Variants in AK8 observed in about 807,000 individuals in gnomAD.
AK8 encodes adenylate kinase 8.
A neutral mutation model predicts 54.6 loss-of-function variants in AK8; 44 were observed. The ratio of observed to expected loss-of-function variants is 0.81; its 90% CI spans 0.63 to 1.04. The LOEUF is 1.04. Ranked by LOEUF, AK8 falls within the 50% of genes least tolerant of loss-of-function variation. The probability of loss-of-function intolerance (pLI) is 0.00; values close to 1 mark genes in which losing one functional copy is unlikely to be tolerated. For synonymous variants in AK8, 239 were observed against 245.6 expected, an observed-to-expected ratio of 0.97 and a Z score of 0.25; for missense variants, 555 against 613.6, an observed-to-expected ratio of 0.90 and a Z score of 1.01.
intron 9 of AK8, among the ~76,000 whole-genome samples, chr9:132,816,883 C>T (rs774996943): frequency 6.6e-6 from 1 of 152,082 alleles, no homozygotes; most frequent in Non-Finnish European, 1.5e-5. Context: ...CTGAGACGGC[C>T]AGAATTTGTA....
intron 4 of AK8, among the ~76,000 whole-genome samples, chr9:132,858,084 G>A (rs1244227247): frequency 6.6e-6 from 1 of 152,208 alleles, no homozygotes. Flanking sequence ...GCTCAGCCCC[G>A]ACTCAGGCCC....
intron 5 of AK8, among the ~76,000 whole-genome samples, chr9:132,833,072 G>A (rs939874944): frequency 2.6e-5 from 4 of 152,160 alleles, no homozygotes; most frequent in African/African-American, 7.2e-5. Flanking sequence ...TCCTCTCTGC[G>A]CCAGCCCACG....
intron 3 of AK8, 76 bp downstream of exon 3, chr9:132,866,828 G>T: frequency 7.5e-7 from 1 of 1,340,256 alleles, no homozygotes; most frequent in Non-Finnish European, 1.1e-6. Context: ...CAAATTCACG[G>T]AGGTGCAGTC....
chr9:132,734,370 G>A (rs1489135105), intron 11 of AK8, among the ~76,000 whole-genome samples: 1 of 152,150 alleles, frequency 6.6e-6, no homozygotes, highest in East Asian at 1.9e-4. Context: ...AGCTTTGAGC[G>A]TACTGAGGCC....
chr9:132,783,280 G>T (rs940439272), intron 11 of AK8, among the ~76,000 whole-genome samples: 1 of 152,192 alleles, frequency 6.6e-6, no homozygotes, highest in Non-Finnish European at 1.5e-5. Context: ...GAAGCCTCTA[G>T]AAGGTGGAAG....
At chr9:132,796,498 T>G (rs1840177873) in intron 10 of AK8, among the ~76,000 whole-genome samples, 1 of 152,152 alleles carries the variant, frequency 6.6e-6, no homozygotes. Flanking sequence ...TCCATTTCAG[T>G]GTTGTTTACA....
In AK8 at chr9:132,868,756, C is replaced by G. The variant is rs117066154; in HGVS notation, c.170-1803G>C. On this transcript the variant is annotated intron_variant, in intron 2 of 12. Coordinates refer to ENST00000298545, the MANE Select transcript of AK8 (RefSeq NM_152572.3). ...ACACAGTGACCTTCAGGGCCACCTC[C>G]TTGGCCATCCCCATCTCGTCCTATG... Among the ~76,000 whole-genome samples the G allele has an allele frequency of 4.6e-5, 7 of 152,286 alleles. 1 individual carries two copies. The East Asian group carries it at 1.4e-3, about 29-fold the overall frequency.
At chr9:132,848,294 T>C (rs1437628525) in intron 5 of AK8, among the ~76,000 whole-genome samples, 1 of 152,152 alleles carries the variant, frequency 6.6e-6, no homozygotes, top group Non-Finnish European at 1.5e-5. Context: ...CTGGCCCATT[T>C]CCAGTCACTC....
intron 2 of AK8, among the ~76,000 whole-genome samples, chr9:132,872,521 T>C (rs1471517807): frequency 6.6e-6 from 1 of 152,162 alleles, no homozygotes; most frequent in Non-Finnish European, 1.5e-5. Flanking sequence ...GCAGTGGGTA[T>C]TCAAGATGAA....
intron 6 of AK8, 48 bp from the exon 7 acceptor site, chr9:132,828,132 T>A (rs1049083305): frequency 3.3e-6 from 5 of 1,518,618 alleles, no homozygotes; most frequent in Non-Finnish European, 4.5e-6. Flanking sequence ...GGGCAGCGGG[T>A]GCCACACATT....
At position 132,794,697 on chromosome 9, in the gene AK8, G is replaced by T. The variant is rs560623983; in HGVS notation, c.980-1922C>A. Among the ~76,000 whole-genome samples the T allele has an allele frequency of 2.6e-4, 40 of 152,272 alleles. No homozygotes were observed. The South Asian group carries it at 8.1e-3, about 31-fold the overall frequency. On this transcript the variant is annotated intron_variant, in intron 10 of 12. Transcript: ENST00000298545. Reference sequence around the variant, plus strand: ...ATAGTAGGTGTTGAATAAATAGAAGGCTTCTCTTTTTCAAATATTTCAAAA... The same window carrying T: ...ATAGTAGGTGTTGAATAAATAGAAGTCTTCTCTTTTTCAAATATTTCAAAA...
At chr9:132,758,459 A>C (rs1346921390) in intron 11 of AK8, among the ~76,000 whole-genome samples, 2 of 151,596 alleles carry the variant, frequency 1.3e-5, no homozygotes, top group Non-Finnish European at 2.9e-5. Flanking sequence ...TTGTTTGTTT[A>C]TGTTTTTTGA....
intron 11 of AK8, among the ~76,000 whole-genome samples, chr9:132,757,768 G>A (rs778000047): frequency 1.1e-4 from 17 of 152,060 alleles, no homozygotes; most frequent in Non-Finnish European, 1.8e-4. Context: ...TACTCTATCT[G>A]TCTATCAAAA....
chr9:132,790,139 C>T lies in AK8; in HGVS notation c.1121+2495G>A, dbSNP rs1389258237. On this transcript the variant is annotated intron_variant, in intron 11 of 12. Transcript: ENST00000298545. The surrounding 1 kb of genome is among the most constrained non-coding windows in gnomAD (Gnocchi z 4.1). ...ACTATAGGAACAAAAGACTGGCTTACTAATATTAACATAATTTATAATACC... is the reference window on the plus strand; with the variant it reads ...ACTATAGGAACAAAAGACTGGCTTATTAATATTAACATAATTTATAATACC... Among the ~76,000 whole-genome samples the T allele has an allele frequency of 1.3e-5, 2 of 151,956 alleles. No individual in the cohort carries two copies. The highest frequency in any genetic ancestry group is 4.8e-5 in the African/African-American group (2 of 41,358).
At chr9:132,828,802 A>G in intron 5 of AK8, 76 bp from the exon 6 acceptor site, 2 of 1,164,112 alleles carry the variant, frequency 1.7e-6, no homozygotes, top group Non-Finnish European at 2.4e-6. Context: ...AAGGAATATA[A>G]TAGCTTTATA....
chr9:132,816,286 G>A (rs563021070), intron 9 of AK8, among the ~76,000 whole-genome samples: 32 of 151,940 alleles, frequency 2.1e-4, no homozygotes, highest in African/African-American at 4.8e-4. Flanking sequence ...CCCAGGAGGC[G>A]GAGGTTGTAG....
chr9:132,868,651 GAA>G (rs1843691551), intron 2 of AK8, among the ~76,000 whole-genome samples: 1 of 152,184 alleles, frequency 6.6e-6, no homozygotes, highest in Non-Finnish European at 1.5e-5. Context: ...GTCCCCACAG[GAA>G]GAGAAGCTCC....
Position 132,798,189 on chromosome 9 carries a change from C to T in AK8, c.980-5414G>A, listed in dbSNP as rs142089549. On this transcript the variant is annotated intron_variant, in intron 10 of 12. Transcript: ENST00000298545. The stretch of plus-strand genomic sequence containing the variant: ...TCAGCATCTCTCCTCAGTGGCAGCA[C>T]GCAGGGTTGAGGAGTGAGGGGTGAA... 1.8e-3 allele frequency among the ~76,000 whole-genome samples: 279 copies of T among 152,258 alleles called. 2 individuals carry two copies. The highest frequency in any genetic ancestry group is 5.5e-3 in the African/African-American group (230 of 41,564).
chr9:132,854,995 C>CA, intron 4 of AK8, 70 bp from the exon 5 acceptor site: 4 of 1,524,000 alleles, frequency 2.6e-6, no homozygotes, highest in Non-Finnish European at 3.6e-6. Flanking sequence ...CAGACCAGCA[C>CA]ACACCCTTCA....
Sources: allele counts gnomAD v4.1 joint callset (sites outside exome capture counted in the v4.1 genomes callset), GRCh38; gene constraint gnomAD v4.1.1; non-coding constraint Gnocchi (gnomAD v3.1); transcripts MANE v1.5; gene names NCBI Gene and HGNC (gene_info 2026-07-23, HGNC 2026-07-21).